TXLNB: variants seen among roughly 807,000 people sequenced by gnomAD.
TXLNB encodes taxilin beta.
Under a neutral mutation model 57.4 loss-of-function variants are expected in TXLNB, and 37 were observed. The ratio of observed to expected loss-of-function variants is 0.64; its 90% confidence interval spans 0.50 to 0.85. The LOEUF (loss-of-function observed/expected upper bound fraction) is 0.85. Among genes scored for constraint, TXLNB ranks in the 40% least tolerant of loss-of-function variants. The probability of loss-of-function intolerance (pLI) is 0.00; values close to 1 mark genes in which losing one functional copy is unlikely to be tolerated. For missense variants in TXLNB, 848 were observed against 825.6 expected (o/e 1.03, Z -0.33); for synonymous variants, 302 against 309.6 (o/e 0.98, Z 0.26).
At chr6:139,178,114 T>C in the TXLNB span, 1 of 152,224 alleles carries the variant, frequency 6.6e-6, no homozygotes, top group South Asian at 2.1e-4. Context: ...GAAAGGATGA[T>C]GAAGAAAATA....
chr6:139,316,347 C>T, the TXLNB span, among the ~76,000 whole-genome samples: 1 of 151,544 alleles, frequency 6.6e-6, no homozygotes, highest in African/African-American at 2.5e-5. Context: ...GGTTTCTTAT[C>T]CCTCCCCTCC....
chr6:139,194,257 A>G, the TXLNB span, among the ~76,000 whole-genome samples: 1 of 152,118 alleles, frequency 6.6e-6, no homozygotes, highest in Admixed American at 6.5e-5. Flanking sequence ...CTCACATTCT[A>G]TTGGTCAAAG....
At chr6:139,172,375 A>C in the TXLNB span, among the ~76,000 whole-genome samples, 1 of 152,224 alleles carries the variant, frequency 6.6e-6, no homozygotes, top group African/African-American at 2.4e-5. Context: ...TGCTGTGTTC[A>C]GTGGCCCTTT....
At chr6:139,223,117 T>C in the TXLNB span, among the ~76,000 whole-genome samples, 2 of 152,228 alleles carry the variant, frequency 1.3e-5, no homozygotes, top group Admixed American at 6.5e-5. Flanking sequence ...AATCATATAG[T>C]ATAGTCCATG....
At chr6:139,200,929 C>A in the TXLNB span, among the ~76,000 whole-genome samples, 1 of 152,100 alleles carries the variant, frequency 6.6e-6, no homozygotes, top group Non-Finnish European at 1.5e-5. Flanking sequence ...GGTCATTTTA[C>A]CTTCCTGGTC....
downstream of TXLNB, among the ~76,000 whole-genome samples, chr6:139,238,351 G>A (rs578178062): frequency 3.9e-5 from 6 of 152,118 alleles, no homozygotes; most frequent in African/African-American, 1.4e-4. Context: ...CCGATATCAC[G>A]CCACTGCACT....
the TXLNB span, among the ~76,000 whole-genome samples, chr6:139,228,850 C>A: frequency 6.6e-6 from 1 of 152,156 alleles, no homozygotes; most frequent in Non-Finnish European, 1.5e-5. Flanking sequence ...AAATAGTCTC[C>A]TGCCCCACTT....
At chr6:139,278,942 T>G (rs976220452) in intron 2 of TXLNB, among the ~76,000 whole-genome samples, 1 of 152,180 alleles carries the variant, frequency 6.6e-6, no homozygotes, top group African/African-American at 2.4e-5. Flanking sequence ...AGGCAGAGAT[T>G]GCAGTGAGCT....
the TXLNB span, chr6:139,174,550 A>C: frequency 6.2e-7 from 1 of 1,613,156 alleles, no homozygotes; most frequent in Non-Finnish European, 8.5e-7. Context: ...GTAGGTACTG[A>C]ACACACTGAG....
chr6:139,257,092 G>A (rs1251256790), intron 6 of TXLNB, among the ~76,000 whole-genome samples: 1 of 152,114 alleles, frequency 6.6e-6, no homozygotes, highest in African/African-American at 2.4e-5. Flanking sequence ...TTTTGGGTAT[G>A]GATCTTCTGA....
At chr6:139,278,699 GATA>G (rs1776963338) in intron 2 of TXLNB, among the ~76,000 whole-genome samples, 1 of 152,170 alleles carries the variant, frequency 6.6e-6, no homozygotes, top group Admixed American at 6.5e-5. Context: ...AGTAAATGAT[GATA>G]ATAATAGAAT....
the TXLNB span, among the ~76,000 whole-genome samples, chr6:139,202,204 A>G: frequency 6.6e-6 from 1 of 152,160 alleles, no homozygotes; most frequent in Non-Finnish European, 1.5e-5. Flanking sequence ...TTTCTACTGG[A>G]CTAACCAAGA....
the TXLNB span, chr6:139,174,273 C>T: frequency 8.0e-7 from 1 of 1,247,438 alleles, no homozygotes; most frequent in Non-Finnish European, 1.1e-6. Flanking sequence ...TTATATTTAT[C>T]CAAATGATAA....
the TXLNB span, among the ~76,000 whole-genome samples, chr6:139,323,514 A>C: frequency 6.6e-6 from 1 of 151,984 alleles, no homozygotes; most frequent in Non-Finnish European, 1.5e-5. Context: ...CGATCTCCTG[A>C]CCTCGTGATC....
At chr6:139,207,445 G>GTGTGATA in the TXLNB span, among the ~76,000 whole-genome samples, 1 of 152,122 alleles carries the variant, frequency 6.6e-6, no homozygotes, top group East Asian at 1.9e-4. Context: ...TGATAATAGT[G>GTGTGATA]ACACAACTTA....
At chr6:139,267,298 C>A (rs1243422514) in intron 4 of TXLNB, among the ~76,000 whole-genome samples, 8 of 152,116 alleles carry the variant, frequency 5.3e-5, no homozygotes. Context: ...AATGTCTCAT[C>A]GGCTTTACAA....
chr6:139,318,035 C>T, the TXLNB span, among the ~76,000 whole-genome samples: 2 of 151,658 alleles, frequency 1.3e-5, no homozygotes, highest in Non-Finnish European at 2.9e-5. Flanking sequence ...TTTGGGAGGC[C>T]GAGGCAGATG....
chr6:139,280,344 G>T (rs1417371567), intron 2 of TXLNB, among the ~76,000 whole-genome samples: 1 of 151,900 alleles, frequency 6.6e-6, no homozygotes, highest in Non-Finnish European at 1.5e-5. Flanking sequence ...TGTGGACCAG[G>T]ATTTTTCTGA....
At chr6:139,307,954 A>G in the TXLNB span, among the ~76,000 whole-genome samples, 1 of 151,930 alleles carries the variant, frequency 6.6e-6, no homozygotes, top group Non-Finnish European at 1.5e-5. Context: ...GTGGGTTGAC[A>G]CTTCCCAGGA....
Sources: allele counts gnomAD v4.1 joint callset (sites outside exome capture counted in the v4.1 genomes callset), GRCh38; gene constraint gnomAD v4.1.1; transcripts MANE v1.5; gene names NCBI Gene and HGNC (gene_info 2026-07-23, HGNC 2026-07-21).